ZNF385D: variants seen among roughly 807,000 people sequenced by gnomAD.
The protein encoded by ZNF385D is zinc finger protein 385D.
Under a neutral mutation model 35.8 loss-of-function variants are expected in ZNF385D, and 15 were observed. The ratio of observed to expected loss-of-function variants is 0.42; its 90% CI spans 0.28 to 0.64. ZNF385D has a LOEUF of 0.64. Ranked by LOEUF, ZNF385D falls within the 30% of genes least tolerant of loss-of-function variation. The pLI is 0.23. For missense variants in ZNF385D, 474 were observed against 494.6 expected, an observed-to-expected ratio of 0.96 and a Z score of 0.39; for synonymous variants, 212 against 186.8, an observed-to-expected ratio of 1.13 and a Z score of -1.10.
chr3:21,610,614 CAA>C (rs546208715), intron 2 of ZNF385D, among the ~76,000 whole-genome samples: 1 of 145,692 alleles, frequency 6.9e-6, no homozygotes, highest in Non-Finnish European at 1.5e-5. Context: ...ACTAAACATA[CAA>C]AAAAAAAAAT....
intron 3 of ZNF385D, among the ~76,000 whole-genome samples, chr3:21,921,215 T>C (rs1575920085): frequency 1.1e-5 from 1 of 87,362 alleles, no homozygotes; most frequent in African/African-American, 4.7e-5. Context: ...AGAGCGAGAC[T>C]CCATCTCAAA....
At chr3:21,845,366 C>T (rs772655823) in intron 3 of ZNF385D, among the ~76,000 whole-genome samples, 11 of 151,930 alleles carry the variant, frequency 7.2e-5, no homozygotes, top group Non-Finnish European at 1.3e-4. Flanking sequence ...CATAAAAGCA[C>T]GAAGTACACA....
At chr3:22,208,910 G>A (rs181559031) in intron 2 of ZNF385D, among the ~76,000 whole-genome samples, 2 of 151,906 alleles carry the variant, frequency 1.3e-5, no homozygotes, top group Admixed American at 1.3e-4. Flanking sequence ...TTTGTAATGA[G>A]GTATCAGGGA....
At chr3:22,207,833 C>G (rs1697255084) in intron 2 of ZNF385D, among the ~76,000 whole-genome samples, 1 of 151,650 alleles carries the variant, frequency 6.6e-6, no homozygotes, top group African/African-American at 2.4e-5. Context: ...AAACAGTGCC[C>G]CATATCATTG....
Position 22,321,164 on chromosome 3 carries a change from GTTTTTTTTTTTT to G in ZNF385D, c.106+51274_106+51285del. On this transcript the variant is annotated intron_variant, in intron 2 of 5. Coordinates refer to the ZNF385D transcript ENST00000494108. ...TGCTGATAGTAACACTTATGACCTT[GTTTTTTTTTTTT>G]TTTTTTTTTCATTTTCTGGCATCTC... Among the ~76,000 whole-genome samples, 615 of 76,192 alleles carry G rather than the reference GTTTTTTTTTTTT, an allele frequency of 8.1e-3. 8 individuals are homozygous for G. Among genetic ancestry groups the G allele is most frequent in the African/African-American group, 0.03 (592 of 19,940 alleles). The allele number at this position is 76,192 out of a possible 152,430, so 50.0% of individuals were successfully genotyped here.
At chr3:21,619,414 G>A (rs750983000) in intron 2 of ZNF385D, among the ~76,000 whole-genome samples, 26 of 85,292 alleles carry the variant, frequency 3.0e-4, no homozygotes, top group African/African-American at 1.2e-3. Context: ...GTGTGTGTGC[G>A]TGTGTGTGTG....
chr3:21,536,878 G>A (rs972375122), intron 3 of ZNF385D, among the ~76,000 whole-genome samples: 1 of 151,868 alleles, frequency 6.6e-6, no homozygotes. Context: ...GAAATCGGAG[G>A]GAAGAGTATT....
intron 3 of ZNF385D, among the ~76,000 whole-genome samples, chr3:21,967,067 A>G (rs954000230): frequency 6.6e-6 from 1 of 152,216 alleles, no homozygotes; most frequent in Non-Finnish European, 1.5e-5. Flanking sequence ...TAATAGTGAA[A>G]AATTCCATAC....
Position 21,511,571 on chromosome 3 carries a change from T to C in ZNF385D, c.277-548A>G, listed in dbSNP as rs188428488. 3.7e-5 allele frequency: 15 copies of C among 403,976 alleles called. No homozygotes were observed. In the East Asian group the frequency reaches 1.0e-3, roughly 27 times the overall value. 25.0% of individuals were successfully genotyped at this position (403,976 alleles called of 1,614,324 possible). On this transcript the variant is annotated intron_variant, in intron 3 of 7. Transcript: ENST00000281523. ...AGCAAATGCACTTCTTAAGTTCAAA[T>C]GGAGCACACAGAAGCCGGGCAATTT... is the stretch of plus-strand genomic sequence containing the variant.
At chr3:21,839,455 C>G (rs1018861886) in intron 3 of ZNF385D, among the ~76,000 whole-genome samples, 6 of 152,044 alleles carry the variant, frequency 3.9e-5, no homozygotes, top group Non-Finnish European at 8.8e-5. Context: ...TCTCACTTTC[C>G]TAAACTATGT....
chr3:22,027,388 T>C (rs1186299377), intron 3 of ZNF385D, among the ~76,000 whole-genome samples: 2 of 152,182 alleles, frequency 1.3e-5, no homozygotes, highest in African/African-American at 4.8e-5. Context: ...GGCCATATGA[T>C]CCAGCAGATC....
intron 1 of ZNF385D, among the ~76,000 whole-genome samples, chr3:21,728,769 T>C (rs1279075914): frequency 6.6e-6 from 1 of 152,210 alleles, no homozygotes; most frequent in East Asian, 1.9e-4. Context: ...ACCTTCCTAA[T>C]GAGGCCCACT....
chr3:21,708,593 A>G (rs939381224), intron 1 of ZNF385D, among the ~76,000 whole-genome samples: 2 of 152,196 alleles, frequency 1.3e-5, no homozygotes, highest in East Asian at 3.9e-4. Flanking sequence ...TTACATTACT[A>G]AATTTTAAAA....
chr3:22,331,304 A>C (rs1029485787), intron 2 of ZNF385D, among the ~76,000 whole-genome samples: 1 of 152,206 alleles, frequency 6.6e-6, no homozygotes, highest in Admixed American at 6.5e-5. Flanking sequence ...GAAAATTTAG[A>C]ATACAAGAAG....
At chr3:22,209,053 G>C (rs1403842304) in intron 2 of ZNF385D, among the ~76,000 whole-genome samples, 2 of 151,818 alleles carry the variant, frequency 1.3e-5, no homozygotes, top group African/African-American at 4.8e-5. Context: ...TGGAGTCACT[G>C]AAAATTGTAT....
chr3:22,293,289 T>A (rs1186781563), intron 2 of ZNF385D, among the ~76,000 whole-genome samples: 1 of 152,152 alleles, frequency 6.6e-6, no homozygotes, highest in East Asian at 1.9e-4. Context: ...TTTGCTACCT[T>A]TTATTAAACT....
chr3:21,718,119 T>C (rs1287469890), intron 1 of ZNF385D, among the ~76,000 whole-genome samples: 1 of 152,220 alleles, frequency 6.6e-6, no homozygotes, highest in Non-Finnish European at 1.5e-5. Context: ...AAATAAAAAG[T>C]GAACAGGGTT....
intron 3 of ZNF385D, among the ~76,000 whole-genome samples, chr3:21,807,255 A>G (rs2072693193): frequency 6.6e-6 from 1 of 152,206 alleles, no homozygotes; most frequent in Non-Finnish European, 1.5e-5. Context: ...AGTCTGAGAA[A>G]TCTGATTTAC....
intron 3 of ZNF385D, among the ~76,000 whole-genome samples, chr3:22,138,968 C>G (rs2125699800): frequency 6.6e-6 from 1 of 152,140 alleles, no homozygotes; most frequent in East Asian, 1.9e-4. Flanking sequence ...AACAAATTTA[C>G]AAGAAAAAAA....
Sources: allele counts gnomAD v4.1 joint callset (sites outside exome capture counted in the v4.1 genomes callset), GRCh38; gene constraint gnomAD v4.1.1; transcripts MANE v1.5; gene names NCBI Gene and HGNC (gene_info 2026-07-23, HGNC 2026-07-21).